Variants in DLC1 observed in about 807,000 individuals in gnomAD.
The protein encoded by DLC1 is DLC1 Rho GTPase activating protein.
In DLC1, 54 loss-of-function variants were observed where a neutral mutation model predicts 140.3. The observed-to-expected ratio is 0.38, with a 90% CI of 0.31 to 0.48. DLC1 has a LOEUF of 0.48. Ranked by LOEUF, DLC1 falls within the 20% of genes least tolerant of loss-of-function variation. DLC1 has a pLI of 0.96. For synonymous variants in DLC1, 986 were observed against 728.1 expected, an observed-to-expected ratio of 1.35 and a Z score of -5.70; for missense variants, 2,536 against 1,907.0, an observed-to-expected ratio of 1.33 and a Z score of -6.14.
intron 1 of DLC1, among the ~76,000 whole-genome samples, chr8:13,549,786 C>T (rs1803782091): frequency 6.6e-6 from 1 of 152,044 alleles, no homozygotes; most frequent in Non-Finnish European, 1.5e-5. Context: ...TCAGGCATGT[C>T]ATGCATTTGG....
chr8:13,566,213 C>T (rs777307456), intron 1 of DLC1, among the ~76,000 whole-genome samples: 10 of 152,034 alleles, frequency 6.6e-5, no homozygotes, highest in Non-Finnish European at 1.5e-4. Flanking sequence ...TAAGCCCTTC[C>T]TGAGGAAATG....
chr8:13,597,680 T>A (rs1360427386), intron 1 of DLC1, among the ~76,000 whole-genome samples: 1 of 152,066 alleles, frequency 6.6e-6, no homozygotes, highest in Non-Finnish European at 1.5e-5. Flanking sequence ...CTGACCATAA[T>A]AACAGATGAC....
At chr8:13,292,485 C>T (rs893922571) in intron 5 of DLC1, among the ~76,000 whole-genome samples, 1 of 152,182 alleles carries the variant, frequency 6.6e-6, no homozygotes, top group Non-Finnish European at 1.5e-5. Context: ...AATAAGCCAG[C>T]TCTCCACTTT....
At chr8:13,246,390 C>G (rs936476132) in intron 5 of DLC1, among the ~76,000 whole-genome samples, 1 of 152,134 alleles carries the variant, frequency 6.6e-6, no homozygotes, top group Non-Finnish European at 1.5e-5. Flanking sequence ...ATTAAGGTGT[C>G]AATGATGATA....
chr8:13,369,354 CGAAA>C (rs925383566), intron 4 of DLC1, among the ~76,000 whole-genome samples: 2 of 128,100 alleles, frequency 1.6e-5, no homozygotes, highest in African/African-American at 5.8e-5. Context: ...TTGGCTGGGT[CGAAA>C]AAAAAAAAAA....
intron 3 of DLC1, among the ~76,000 whole-genome samples, chr8:13,399,551 C>T (rs1227989876): frequency 1.3e-5 from 2 of 152,164 alleles, no homozygotes; most frequent in Admixed American, 6.5e-5. Flanking sequence ...CCCCTATCCC[C>T]ATTCATCCTA....
rs77669490 is a variant in DLC1 at position 13,502,672 on chromosome 8, G to C, written c.-125-2476C>G. On this transcript the variant is annotated intron_variant, in intron 1 of 17. Coordinates refer to ENST00000276297, the MANE Select transcript of DLC1 (RefSeq NM_182643.3). ...CTAATAGAGAGAAATCTTTGTAAAA[G>C]ACTGACTTCTCCTGTGAGCCTCCTC... is the stretch of plus-strand genomic sequence containing the variant. Among the ~76,000 whole-genome samples, 493 of 152,250 alleles carry C rather than the reference G, an allele frequency of 3.2e-3. 3 individuals carry two copies. Among genetic ancestry groups the C allele is most frequent in the East Asian group, 0.018 (95 of 5,180 alleles).
At chr8:13,332,023 C>T (rs78377161) in intron 4 of DLC1, among the ~76,000 whole-genome samples, 8,245 of 152,184 alleles carry the variant, frequency 0.054, 313 homozygotes, top group Non-Finnish European at 0.085. Flanking sequence ...CACAAAATGA[C>T]GAACTATTAT....
intron 4 of DLC1, among the ~76,000 whole-genome samples, chr8:13,365,891 T>C (rs1285054588): frequency 2.6e-5 from 4 of 152,164 alleles, no homozygotes; most frequent in African/African-American, 7.2e-5. Flanking sequence ...ACCCAAGATA[T>C]TCATTTCCCT....
Position 13,585,016 on chromosome 8 carries a change from A to C in DLC1, c.-126+19521T>G, listed in dbSNP as rs375320523. Reference sequence around the variant, plus strand: ...AAAATAATTCATTTATTCACTCAATAAAGATTCTTGAGGAACTCCTGGAAC... The same window carrying C: ...AAAATAATTCATTTATTCACTCAATCAAGATTCTTGAGGAACTCCTGGAAC... On this transcript the variant is annotated intron_variant, in intron 1 of 1. Transcript: ENST00000631382. Among the ~76,000 whole-genome samples, 70 of 152,344 alleles carry C rather than the reference A, an allele frequency of 4.6e-4. 2 individuals are homozygous for C. The South Asian group carries it at 0.014, about 31-fold the overall frequency.
chr8:13,415,918 T>G (rs1408491215), intron 2 of DLC1, among the ~76,000 whole-genome samples: 1 of 152,180 alleles, frequency 6.6e-6, no homozygotes, highest in Admixed American at 6.5e-5. Flanking sequence ...TTCTTGTATG[T>G]CTTCTCGAAA....
In DLC1 at chr8:13,492,197, T is replaced by C. The variant is rs1187577011; in HGVS notation, c.1023+6852A>G. ...TATGAGCTTATCTGAGGGTTCCACC[T>C]CTAGCCTGTTGGAGATACAGCCCAT... On this transcript the variant is annotated intron_variant, in intron 2 of 17. Transcript: ENST00000276297. Among the ~76,000 whole-genome samples the C allele has an allele frequency of 3.3e-5, 5 of 151,278 alleles. No homozygotes were observed. In the East Asian group the frequency reaches 7.8e-4, roughly 24 times the overall value.
intron 2 of DLC1, among the ~76,000 whole-genome samples, chr8:13,412,250 A>AT (rs1490306572): frequency 6.6e-6 from 1 of 152,166 alleles, no homozygotes; most frequent in Non-Finnish European, 1.5e-5. Flanking sequence ...GAGAATTAAT[A>AT]TTTTTTTCAT....
At position 13,100,717 on chromosome 8, in the gene DLC1, G is replaced by C. The variant is rs775414268; in HGVS notation, c.1620C>G (p.Phe540Leu). ...EPCAISGKWT[F>L]QRDSKRWSRL... is the part of the protein sequence containing the mutation. ...GGGACCACCTCTTGCTGTCCCTTTGGAAAGTCCATTTGCCACTGATGGCAC... is the reference window on the plus strand; with the variant it reads ...GGGACCACCTCTTGCTGTCCCTTTGCAAAGTCCATTTGCCACTGATGGCAC... The change falls in exon 9 of 18, where the codon TTC (phenylalanine) becomes TTG (leucine). Residue 540 changes from phenylalanine to leucine, a missense_variant. By Grantham distance (22) the Phe-to-Leu change is conservative. Transcript: ENST00000276297. The C allele has an allele frequency of 2.5e-6, 4 of 1,606,810 alleles. No homozygotes were observed. The South Asian group carries it at 3.3e-5, about 13-fold the overall frequency.
chr8:13,243,401 T>A (rs952870596), intron 5 of DLC1, among the ~76,000 whole-genome samples: 6 of 151,812 alleles, frequency 4.0e-5, no homozygotes, highest in African/African-American at 7.3e-5. Flanking sequence ...ATTGTGAGTT[T>A]CCTGAGGCCT....
intron 1 of DLC1, among the ~76,000 whole-genome samples, chr8:13,538,719 T>C (rs1803383810): frequency 6.6e-6 from 1 of 152,180 alleles, no homozygotes; most frequent in African/African-American, 2.4e-5. Flanking sequence ...TGTCATTATG[T>C]ATCTTGCCCA....
chr8:13,567,172 A>C, intron 1 of DLC1: 1 of 1,551,744 alleles, frequency 6.4e-7, no homozygotes, highest in South Asian at 1.2e-5. Context: ...GGAAAAGCAG[A>C]CTCCAAGCTT....
chr8:13,367,560 C>A (rs1354596950), intron 4 of DLC1, among the ~76,000 whole-genome samples: 1 of 152,154 alleles, frequency 6.6e-6, no homozygotes, highest in East Asian at 1.9e-4. Flanking sequence ...CAAAATAAGA[C>A]AAAGACGTGC....
chr8:13,113,841 A>G (rs1820315362), intron 6 of DLC1, among the ~76,000 whole-genome samples: 1 of 152,254 alleles, frequency 6.6e-6, no homozygotes, highest in Non-Finnish European at 1.5e-5. Flanking sequence ...AAACAGTAAG[A>G]TATTTTACAC....
Sources: allele counts gnomAD v4.1 joint callset (sites outside exome capture counted in the v4.1 genomes callset), GRCh38; gene constraint gnomAD v4.1.1; transcripts MANE v1.5; gene names NCBI Gene and HGNC (gene_info 2026-07-23, HGNC 2026-07-21).